The following EDEM3 variants were observed in gnomAD, a reference collection of about 807,000 sequenced individuals.
The protein encoded by EDEM3 is ER degradation-enhancing alpha-mannosidase-like protein 3.
EDEM3 carries 60 observed loss-of-function variants against 110.2 expected under a neutral mutation model. The observed-to-expected ratio is 0.54, with a 90% CI of 0.44 to 0.67. The LOEUF is 0.67. Ranked by LOEUF, EDEM3 falls within the 30% of genes least tolerant of loss-of-function variation. EDEM3 has a pLI of 0.00. For synonymous variants in EDEM3, 352 were observed against 382.9 expected, an observed-to-expected ratio of 0.92 and a Z score of 0.94; for missense variants, 996 against 1,121.0, an observed-to-expected ratio of 0.89 and a Z score of 1.59.
chr1:184,742,251 G>C (rs1205407778), intron 2 of EDEM3, among the ~76,000 whole-genome samples: 1 of 152,134 alleles, frequency 6.6e-6, no homozygotes, highest in South Asian at 2.1e-4. Context: ...TTAGAAAATT[G>C]CGTGCTCTGT....
intron 5 of EDEM3, 93 bp downstream of exon 5, chr1:184,734,438 G>A (rs1651711546): frequency 4.8e-6 from 2 of 418,916 alleles, no homozygotes; most frequent in Non-Finnish European, 7.5e-6. Context: ...CTGCACTCCA[G>A]CCTGGGTGAC....
At chr1:184,734,002 T>C in intron 5 of EDEM3, among the ~76,000 whole-genome samples, 1 of 152,164 alleles carries the variant, frequency 6.6e-6, no homozygotes, top group Non-Finnish European at 1.5e-5. Flanking sequence ...ATTCCCTTTT[T>C]AACAACATAC....
At chr1:184,704,642 TC>T (rs1649811080) in intron 18 of EDEM3, among the ~76,000 whole-genome samples, 1 of 65,300 alleles carries the variant, frequency 1.5e-5, no homozygotes. Context: ...AAAGCAAGAC[TC>T]TGTCTCAAAA....
At chr1:184,717,874 T>C (rs1650640741) in intron 11 of EDEM3, among the ~76,000 whole-genome samples, 1 of 151,998 alleles carries the variant, frequency 6.6e-6, no homozygotes, top group Admixed American at 6.6e-5. Flanking sequence ...AACTCCATAA[T>C]GAAACTCAGC....
At chr1:184,714,857 A>C (rs1650456709) in intron 13 of EDEM3, among the ~76,000 whole-genome samples, 2 of 152,248 alleles carry the variant, frequency 1.3e-5, no homozygotes, top group African/African-American at 4.8e-5. Context: ...ATTTGTCAGC[A>C]GACCATACAG....
chr1:184,731,785 T>A lies in EDEM3; in HGVS notation c.612+1052A>T, dbSNP rs12069021. ...GTAATGACACATTAAAGCTTAAATTTTACATATACACAATGGAATACTATT... is the reference window on the plus strand; with the variant it reads ...GTAATGACACATTAAAGCTTAAATTATACATATACACAATGGAATACTATT... On this transcript the variant is annotated intron_variant, in intron 6 of 19. Transcript: ENST00000318130. Among the ~76,000 whole-genome samples, 636 of 152,298 alleles carry A rather than the reference T, an allele frequency of 4.2e-3. 6 individuals carry two copies. Among genetic ancestry groups the A allele is most frequent in the East Asian group, 0.036 (186 of 5,190 alleles).
chr1:184,715,412 C>G (rs1277859116), intron 13 of EDEM3, among the ~76,000 whole-genome samples: 1 of 152,140 alleles, frequency 6.6e-6, no homozygotes, highest in Non-Finnish European at 1.5e-5. Context: ...TATTTCTTTA[C>G]ACACCTATCT....
intron 8 of EDEM3, among the ~76,000 whole-genome samples, chr1:184,721,991 G>A (rs1558056340): frequency 6.6e-6 from 1 of 151,948 alleles, no homozygotes. Flanking sequence ...ATATGTTGAT[G>A]CACAAAATAT....
intron 19 of EDEM3, among the ~76,000 whole-genome samples, chr1:184,696,153 A>G (rs1477824173): frequency 6.6e-6 from 1 of 151,914 alleles, no homozygotes; most frequent in Non-Finnish European, 1.5e-5. Context: ...ATCAGAGAAG[A>G]GTAGAGACAG....
intron 2 of EDEM3, among the ~76,000 whole-genome samples, chr1:184,747,322 A>G (rs888940340): frequency 1.3e-5 from 2 of 152,200 alleles, no homozygotes; most frequent in Non-Finnish European, 2.9e-5. Context: ...TCCAAAACCT[A>G]TACACTTTTA....
Position 184,712,058 on chromosome 1 carries a change from C to G in EDEM3, c.1537-181G>C, listed in dbSNP as rs571881543. ...TCTCCTGCCTCAGCCTTCCGAGTAG[C>G]TGGGACTACAGGCGCCCACTACCAC... On this transcript the variant is annotated intron_variant, in intron 14 of 19. Coordinates refer to ENST00000318130, the MANE Select transcript of EDEM3 (RefSeq NM_025191.4). 5.9e-5 allele frequency among the ~76,000 whole-genome samples: 9 copies of G among 152,082 alleles called. No individual in the cohort carries two copies. In the East Asian group the frequency reaches 1.7e-3, roughly 29 times the overall value.
chr1:184,707,174 G>C (rs971677403), intron 17 of EDEM3, among the ~76,000 whole-genome samples: 12 of 152,130 alleles, frequency 7.9e-5, no homozygotes, highest in Non-Finnish European at 1.6e-4. Context: ...GTAAAGTTGG[G>C]ACCTGCAGGC....
chr1:184,735,055 T>C (rs1651748612), intron 4 of EDEM3, among the ~76,000 whole-genome samples: 1 of 152,196 alleles, frequency 6.6e-6, no homozygotes, highest in South Asian at 2.1e-4. Flanking sequence ...CAAGGCATGT[T>C]CAATTGTTCC....
In EDEM3 at chr1:184,719,428, C is replaced by CAG. The variant is rs762888151; in HGVS notation, c.1077+13_1077+14dup. The CAG allele has an allele frequency of 3.1e-6, 5 of 1,604,926 alleles. No homozygotes were observed. Among genetic ancestry groups the CAG allele is most frequent in the Non-Finnish European group, 4.2e-6 (5 of 1,177,412 alleles). On this transcript the variant is annotated intron_variant, in intron 10 of 19. Transcript: ENST00000318130. ...TCATCTTACATTCATATTAAGAAGA[C>CAG]AGAATTCTTTATACCTGCAAGCCTG...
intron 19 of EDEM3, among the ~76,000 whole-genome samples, chr1:184,698,196 C>A (rs962280279): frequency 4.6e-5 from 7 of 151,538 alleles, no homozygotes; most frequent in Non-Finnish European, 8.9e-5. Context: ...TTGCTACAAC[C>A]TTTTTTGGAA....
chr1:184,744,979 G>A (rs910694043), intron 2 of EDEM3, among the ~76,000 whole-genome samples: 1 of 152,012 alleles, frequency 6.6e-6, no homozygotes, highest in South Asian at 2.1e-4. Flanking sequence ...GTGGGGAGAA[G>A]GAATTTACTG....
Position 184,719,151 on chromosome 1 carries a change from T to G in EDEM3, c.1161+11A>C. On this transcript the variant is annotated intron_variant, in intron 11 of 19. Coordinates refer to ENST00000318130, the MANE Select transcript of EDEM3 (RefSeq NM_025191.4). Reference sequence around the variant, plus strand: ...GTGTGTGTAAGATTATTCCAAAAATTATTTGCTTACCTCTGGTAGAAAATT... The same window carrying G: ...GTGTGTGTAAGATTATTCCAAAAATGATTTGCTTACCTCTGGTAGAAAATT... The G allele has an allele frequency of 6.6e-7, 1 of 1,512,042 alleles. No homozygotes were observed. The highest frequency in any genetic ancestry group is 2.3e-5 in the East Asian group (1 of 43,932). 93.7% of individuals were successfully genotyped at this position (1,512,042 alleles called of 1,614,324 possible). A position where few individuals can be genotyped will look rare whatever the true frequency, so the allele number is the denominator to read the frequency against.
chr1:184,750,717 T>C (rs889659554), intron 1 of EDEM3, among the ~76,000 whole-genome samples: 13 of 152,004 alleles, frequency 8.6e-5, no homozygotes, highest in African/African-American at 3.1e-4. Context: ...TTTACCACGT[T>C]GGCCAGGCTG....
At position 184,702,978 on chromosome 1, in the gene EDEM3, C is replaced by T; in HGVS notation, c.2222G>A (p.Ser741Asn). 6.2e-7 allele frequency: 1 copy of T among 1,604,406 alleles called. No individual in the cohort carries two copies. Among genetic ancestry groups the T allele is most frequent in the Non-Finnish European group, 8.5e-7 (1 of 1,176,578 alleles). Residue 741 changes from serine to asparagine, a missense_variant, in exon 19 of 20, where the codon AGC becomes AAC. Around this residue, in one of 5 missense-constraint regions of EDEM3, gnomAD observed 345 missense variants for 402.0 expected, o/e 0.86. Transcript: ENST00000318130. ...GIVIDDNEGS[S>N]SDTAPLFQMA... ...CTGGAACAGAGGGGCAGTATCACTG[C>T]TGCTCCCCTCATTGTCATCTAGCCA... is the stretch of plus-strand genomic sequence containing the variant.
Sources: gnomAD v4.1 joint callset for allele counts (sites outside exome capture counted in the v4.1 genomes callset) on GRCh38, gnomAD v4.1.1 for gene constraint, gnomAD v4.1.1 regional missense constraint, MANE v1.5 for transcripts, NCBI Gene and HGNC (gene_info 2026-07-23, HGNC 2026-07-21) for gene names.